Variants in DNAH7 observed in about 807,000 individuals in gnomAD.
DNAH7 encodes axonemal beta dynein heavy chain 7.
A neutral mutation model predicts 444.6 loss-of-function variants in DNAH7; 397 were observed. The observed-to-expected ratio is 0.89, with a 90% CI of 0.82 to 0.97. The LOEUF is 0.97. Among genes scored for constraint, DNAH7 ranks in the 50% least tolerant of loss-of-function variants. The pLI is 0.00. For missense variants in DNAH7, 4,902 were observed against 4,800.8 expected (o/e 1.02, Z -0.62); for synonymous variants, 1,636 against 1,624.4 (o/e 1.01, Z -0.17).
intron 51 of DNAH7, among the ~76,000 whole-genome samples, chr2:195,815,368 C>T (rs1248900597): frequency 1.3e-5 from 2 of 152,108 alleles, no homozygotes; most frequent in Non-Finnish European, 2.9e-5. Flanking sequence ...TTTGGCCAAG[C>T]TCAAAGTGTC....
intron 1 of DNAH7, among the ~76,000 whole-genome samples, chr2:196,060,080 T>G (rs186905790): frequency 1.3e-5 from 2 of 151,910 alleles, no homozygotes; most frequent in Non-Finnish European, 2.9e-5. Context: ...TAGCCGGGTG[T>G]GGTGGCAGGC....
intron 5 of DNAH7, among the ~76,000 whole-genome samples, chr2:196,037,960 A>C (rs1383437516): frequency 6.6e-6 from 1 of 152,204 alleles, no homozygotes; most frequent in African/African-American, 2.4e-5. Flanking sequence ...ATCTGTCAAA[A>C]GTCAAAGACA....
At chr2:195,766,450 G>A (rs922205403) in intron 61 of DNAH7, among the ~76,000 whole-genome samples, 5 of 152,000 alleles carry the variant, frequency 3.3e-5, no homozygotes, top group Non-Finnish European at 5.9e-5. Context: ...TTACAGGCGT[G>A]AGCTACCATG....
At chr2:195,905,084 C>G (rs1355358400) in intron 27 of DNAH7, 2 of 152,206 alleles carry the variant, frequency 1.3e-5, no homozygotes, top group African/African-American at 4.8e-5. Flanking sequence ...TATGTTAGCA[C>G]TGTTTCAACC....
chr2:195,883,684 T>C (rs753215977), intron 35 of DNAH7, among the ~76,000 whole-genome samples: 2 of 152,104 alleles, frequency 1.3e-5, no homozygotes, highest in Non-Finnish European at 2.9e-5. Flanking sequence ...TTATCAGCAA[T>C]TTGAAATTAA....
At chr2:195,912,824 T>A (rs751366690) in intron 24 of DNAH7, among the ~76,000 whole-genome samples, 1 of 152,190 alleles carries the variant, frequency 6.6e-6, no homozygotes, top group Non-Finnish European at 1.5e-5. Flanking sequence ...TATTGAGGGA[T>A]GAAACCAAGG....
intron 15 of DNAH7, among the ~76,000 whole-genome samples, chr2:195,976,699 CCCCCAGTT>C (rs1381040210): frequency 6.7e-6 from 1 of 148,872 alleles, no homozygotes; most frequent in Non-Finnish European, 1.5e-5. Flanking sequence ...TGTCACCCCT[CCCCCAGTT>C]CCAGGCAGCT....
At position 195,923,580 on chromosome 2, in the gene DNAH7, AG is replaced by A; in HGVS notation, c.3825+14del. 1 of 1,611,800 alleles carries A rather than the reference AG, an allele frequency of 6.2e-7. No individual in the cohort carries two copies. The highest frequency in any genetic ancestry group is 1.1e-5 in the South Asian group (1 of 90,966). On this transcript the variant is annotated intron_variant, in intron 23 of 64. Transcript: ENST00000312428. Reference sequence around the variant, plus strand: ...GAAATTGCTGTGTAATATAACATTCAGTGATACCACTTACTTGCCAGTAGTA... The same window carrying A: ...GAAATTGCTGTGTAATATAACATTCATGATACCACTTACTTGCCAGTAGTA...
chr2:196,056,197 C>CCGAGGTT (rs1429251075), intron 2 of DNAH7, among the ~76,000 whole-genome samples: 1 of 152,102 alleles, frequency 6.6e-6, no homozygotes, highest in Non-Finnish European at 1.5e-5. Context: ...GTAATCCCAG[C>CCGAGGTT]ACTTTGGGAG....
In DNAH7 at chr2:195,796,687, C is replaced by T. The variant is rs768350051; in HGVS notation, c.10404G>A (p.Gly3468=). 6.2e-7 allele frequency: 1 copy of T among 1,614,150 alleles called. No homozygotes were observed. The highest frequency in any genetic ancestry group is 1.1e-5 in the South Asian group (1 of 91,072). ...TTTCTAACATCTTCATAGCAATGGG[C>T]CCTTGGCCTTGACCAAGAGATAAAG... ...LSSLSLGQGQ[G]PIAMKMLEKA... The change falls in exon 56 of 65, where the codon GGG becomes GGA. Residue 3468 remains glycine, a synonymous_variant. Transcript: ENST00000312428.
Position 195,816,617 on chromosome 2 carries a change from C to T in DNAH7, c.9761+11G>A. 1.3e-6 allele frequency: 2 copies of T among 1,589,612 alleles called. No individual in the cohort carries two copies. Among genetic ancestry groups the T allele is most frequent in the South Asian group, 1.1e-5 (1 of 88,680 alleles). Reference sequence around the variant, plus strand: ...AATTAGTTAATATTAACTAGTATTTCCTTTACATACCTTTTTGCCAAAATT... The same window carrying T: ...AATTAGTTAATATTAACTAGTATTTTCTTTACATACCTTTTTGCCAAAATT... On this transcript the variant is annotated intron_variant, in intron 51 of 64. Coordinates refer to ENST00000312428, the MANE Select transcript of DNAH7 (RefSeq NM_018897.3).
intron 26 of DNAH7, 23 bp downstream of exon 26, chr2:195,906,884 G>C: frequency 6.2e-7 from 1 of 1,609,748 alleles, no homozygotes; most frequent in East Asian, 2.2e-5. Flanking sequence ...TTCACATAAT[G>C]CAAAGACAAA....
rs966443092 is a variant in DNAH7 at position 195,873,912 on chromosome 2, T to C, written c.6287-218A>G. On this transcript the variant is annotated intron_variant, in intron 38 of 64. Coordinates refer to ENST00000312428, the MANE Select transcript of DNAH7 (RefSeq NM_018897.3). ...GGTGAATTATCTGAATGAGTTAAAC[T>C]AATTAGACATAATCTTGAGTCAAAA... 3.7e-4 allele frequency among the ~76,000 whole-genome samples: 57 copies of C among 152,196 alleles called. 1 individual carries two copies. Among genetic ancestry groups the C allele is most frequent in the Admixed American group, 3.7e-3 (56 of 15,286 alleles).
chr2:196,036,690 C>T (rs1157848090), intron 5 of DNAH7, among the ~76,000 whole-genome samples: 1 of 152,106 alleles, frequency 6.6e-6, no homozygotes, highest in East Asian at 1.9e-4. Context: ...CTGGACCTTT[C>T]CAGCTGGCCT....
At chr2:195,905,705 T>C (rs1342230992) in intron 27 of DNAH7, 3 of 152,152 alleles carry the variant, frequency 2.0e-5, no homozygotes, top group Non-Finnish European at 4.4e-5. Context: ...AAATGTCATA[T>C]TTTACTAATA....
intron 5 of DNAH7, among the ~76,000 whole-genome samples, chr2:196,035,735 G>C (rs1207895630): frequency 6.6e-6 from 1 of 152,188 alleles, no homozygotes; most frequent in African/African-American, 2.4e-5. Flanking sequence ...GAGCCAGGAG[G>C]AATGCTCCAT....
At chr2:195,852,628 A>G (rs957076471) in intron 46 of DNAH7, among the ~76,000 whole-genome samples, 1 of 152,146 alleles carries the variant, frequency 6.6e-6, no homozygotes, top group Non-Finnish European at 1.5e-5. Context: ...ATTCAGTAAA[A>G]ACTAAAAAGT....
intron 10 of DNAH7, among the ~76,000 whole-genome samples, chr2:196,002,486 C>T (rs1694099233): frequency 6.6e-6 from 1 of 152,096 alleles, no homozygotes; most frequent in Admixed American, 6.6e-5. Flanking sequence ...TGATAATAAG[C>T]AAAGTTTTCA....
intron 4 of DNAH7, among the ~76,000 whole-genome samples, chr2:196,047,936 C>T (rs1041138401): frequency 1.3e-5 from 2 of 151,744 alleles, no homozygotes; most frequent in Non-Finnish European, 2.9e-5. Flanking sequence ...ATTTGGAAGT[C>T]ATGTTCACAA....
Sources: gnomAD v4.1 joint callset for allele counts (sites outside exome capture counted in the v4.1 genomes callset) on GRCh38, gnomAD v4.1.1 for gene constraint, MANE v1.5 for transcripts, NCBI Gene and HGNC (gene_info 2026-07-23, HGNC 2026-07-21) for gene names.